The following KALRN variants were observed in gnomAD, a reference collection of about 807,000 sequenced individuals.
KALRN encodes the protein kalirin RhoGEF kinase, also known as kalirin.
Under a neutral mutation model 353.7 loss-of-function variants are expected in KALRN, and 70 were observed. That is an observed-to-expected ratio of 0.20 (90% CI 0.16 to 0.24). KALRN has a LOEUF of 0.24. Among genes scored for constraint, KALRN ranks in the 10% least tolerant of loss-of-function variants. The pLI is 1.00. For synonymous variants in KALRN, 1,391 were observed against 1,434.8 expected (o/e 0.97, Z 0.69); for missense variants, 2,791 against 3,756.7 (o/e 0.74, Z 6.72).
At chr3:124,177,391 A>G (rs753538888) in intron 1 of KALRN, among the ~76,000 whole-genome samples, 72 of 152,186 alleles carry the variant, frequency 4.7e-4, no homozygotes, top group Admixed American at 9.2e-4. Flanking sequence ...CAATCTTCCT[A>G]AAACAGCAAG....
intron 1 of KALRN, among the ~76,000 whole-genome samples, chr3:124,064,135 CAG>C (rs2042172314): frequency 2.0e-5 from 3 of 152,116 alleles, no homozygotes; most frequent in Admixed American, 1.3e-4. Flanking sequence ...TCAAAGAATT[CAG>C]AGTCTAGCAG....
intron 33 of KALRN, among the ~76,000 whole-genome samples, chr3:124,561,474 T>G (rs2072001673): frequency 6.6e-6 from 1 of 152,296 alleles, no homozygotes; most frequent in Non-Finnish European, 1.5e-5. Flanking sequence ...TCGAAGTCCC[T>G]TTAGTGTAAA....
intron 5 of KALRN, among the ~76,000 whole-genome samples, chr3:124,269,611 G>A (rs2073928864): frequency 6.6e-6 from 1 of 152,192 alleles, no homozygotes; most frequent in Admixed American, 6.5e-5. Flanking sequence ...ACTGTTAGAA[G>A]CTGCCCCGAG....
intron 14 of KALRN, among the ~76,000 whole-genome samples, chr3:124,414,096 G>GA (rs1026919475): frequency 1.6e-4 from 24 of 145,964 alleles, no homozygotes; most frequent in African/African-American, 2.3e-4. Flanking sequence ...AGAGTCAGAT[G>GA]AAAAAAAAAA....
chr3:124,174,442 GA>G (rs1560146657), intron 1 of KALRN, among the ~76,000 whole-genome samples: 1 of 152,006 alleles, frequency 6.6e-6, no homozygotes, highest in African/African-American at 2.4e-5. Flanking sequence ...TTAAAAAAAG[GA>G]AAAAAAGTAT....
intron 10 of KALRN, among the ~76,000 whole-genome samples, chr3:124,366,733 C>T (rs1409449395): frequency 6.6e-6 from 1 of 152,102 alleles, no homozygotes; most frequent in South Asian, 2.1e-4. Flanking sequence ...ACCTCCCAGA[C>T]GGGGTGGTGG....
Position 124,398,683 on chromosome 3 carries a change from C to T in KALRN, c.2172-14C>T, listed in dbSNP as rs2090477203. Reference sequence around the variant, plus strand: ...AGGCCTCTCCCTCCCTTTTTTCTCCCCACTCTGCCACAGGGACTCGGCTGT... The same window carrying T: ...AGGCCTCTCCCTCCCTTTTTTCTCCTCACTCTGCCACAGGGACTCGGCTGT... On this transcript the variant is annotated splice_polypyrimidine_tract_variant and intron_variant, in intron 12 of 59. Transcript: ENST00000682506. The T allele has an allele frequency of 6.2e-7, 1 of 1,613,226 alleles. No individual in the cohort carries two copies. Among genetic ancestry groups the T allele is most frequent in the Non-Finnish European group, 8.5e-7 (1 of 1,179,698 alleles).
At chr3:124,325,918 C>A in intron 6 of KALRN, 62 bp from the exon 7 acceptor site, 1 of 1,430,496 alleles carries the variant, frequency 7.0e-7, no homozygotes, top group East Asian at 2.3e-5. Flanking sequence ...ATGTACCCCA[C>A]GAAAGTGCTC....
intron 48 of KALRN, among the ~76,000 whole-genome samples, 183 bp downstream of exon 48, chr3:124,672,081 C>G (rs2150376035): frequency 6.6e-6 from 1 of 152,296 alleles, no homozygotes; most frequent in Admixed American, 6.5e-5. Flanking sequence ...TCCCGAGTAG[C>G]TGGGACTACA....
chr3:124,351,320 T>C (rs1314388660), intron 10 of KALRN, among the ~76,000 whole-genome samples: 1 of 152,172 alleles, frequency 6.6e-6, no homozygotes, highest in Non-Finnish European at 1.5e-5. Context: ...AGGCTATATA[T>C]GCTGTGGGGT....
At chr3:124,179,265 TA>T (rs2073222105) in intron 1 of KALRN, among the ~76,000 whole-genome samples, 1 of 152,356 alleles carries the variant, frequency 6.6e-6, no homozygotes, top group African/African-American at 2.4e-5. Flanking sequence ...CTTTTTTCTT[TA>T]AAAAAATTTT....
intron 34 of KALRN, among the ~76,000 whole-genome samples, chr3:124,611,890 TA>T (rs1380000462): frequency 6.6e-6 from 1 of 152,252 alleles, no homozygotes; most frequent in Admixed American, 6.5e-5. Context: ...TAGAAAGCCT[TA>T]TTTCCGTCTT....
chr3:124,480,298 A>T (rs1198438283), intron 27 of KALRN, among the ~76,000 whole-genome samples: 1 of 152,228 alleles, frequency 6.6e-6, no homozygotes, highest in Non-Finnish European at 1.5e-5. Context: ...TCTGGGAAAG[A>T]GGCAAATGGT....
At chr3:124,703,251 A>G (rs1345191370) in intron 57 of KALRN, among the ~76,000 whole-genome samples, 1 of 152,138 alleles carries the variant, frequency 6.6e-6, no homozygotes, top group Admixed American at 6.5e-5. Flanking sequence ...CCTTTCATCA[A>G]AAACAAACTC....
rs559820432 is a variant in KALRN, at chr3:124,213,743, T to C, written c.74-14247T>C. 9.7e-4 allele frequency among the ~76,000 whole-genome samples: 148 copies of C among 152,322 alleles called. 2 individuals are homozygous for C. The highest frequency in any genetic ancestry group is 6.8e-3 in the Middle Eastern group (2 of 294). On this transcript the variant is annotated intron_variant, in intron 1 of 59. Coordinates refer to ENST00000682506, the MANE Select transcript of KALRN (RefSeq NM_001388419.1). ...TGCATACATGGAAAATTATCCCTAA[T>C]GAAAAATGGAGTTTTCTTTTACAGC...
intron 3 of KALRN, among the ~76,000 whole-genome samples, chr3:124,238,502 T>A (rs1196619877): frequency 6.6e-6 from 1 of 152,192 alleles, no homozygotes; most frequent in Non-Finnish European, 1.5e-5. Flanking sequence ...CTTCTAAGAA[T>A]CTTTCCTGCC....
intron 33 of KALRN, among the ~76,000 whole-genome samples, chr3:124,525,954 C>T (rs1039431966): frequency 3.3e-5 from 5 of 152,050 alleles, no homozygotes; most frequent in African/African-American, 4.8e-5. Context: ...TCCTTGGAGT[C>T]CTTGATTGAT....
Position 124,184,926 on chromosome 3 carries a change from T to A in KALRN, c.74-43064T>A, listed in dbSNP as rs183359287. Among the ~76,000 whole-genome samples, 267 of 152,288 alleles carry A rather than the reference T, an allele frequency of 1.8e-3. 1 individual carries two copies. The highest frequency in any genetic ancestry group is 6.2e-3 in the African/African-American group (259 of 41,552). On this transcript the variant is annotated intron_variant, in intron 1 of 59. Coordinates refer to ENST00000682506, the MANE Select transcript of KALRN (RefSeq NM_001388419.1). The stretch of plus-strand genomic sequence containing the variant: ...GCAGGGATTTTGAAGGGTGGATCTG[T>A]ATGAATGCATTTAAATGATGAATAG...
At chr3:124,044,740 T>C (rs1373067802) in intron 1 of KALRN, among the ~76,000 whole-genome samples, 1 of 152,062 alleles carries the variant, frequency 6.6e-6, no homozygotes, top group African/African-American at 2.4e-5. Flanking sequence ...TAGTATGACA[T>C]ATTACATGTA....
Sources: allele counts gnomAD v4.1 joint callset (sites outside exome capture counted in the v4.1 genomes callset), GRCh38; gene constraint gnomAD v4.1.1; transcripts MANE v1.5; gene names NCBI Gene and HGNC (gene_info 2026-07-23, HGNC 2026-07-21).